CCDC80: variants seen among roughly 807,000 people sequenced by gnomAD.
CCDC80 encodes coiled-coil domain-containing protein 80.
In CCDC80, 49 loss-of-function variants were observed where a neutral mutation model predicts 78.7. The ratio of observed to expected loss-of-function variants is 0.62; its 90% CI spans 0.50 to 0.79. The LOEUF is 0.79. CCDC80 is among the 30% of genes least tolerant of loss of function. The pLI, the probability that CCDC80 is intolerant of heterozygous loss-of-function variation, is 0.00. For synonymous variants in CCDC80, 488 were observed against 447.0 expected, an observed-to-expected ratio of 1.09 and a Z score of -1.16; for missense variants, 1,205 against 1,198.6, an observed-to-expected ratio of 1.01 and a Z score of -0.08.
intron 3 of CCDC80, among the ~76,000 whole-genome samples, chr3:112,623,353 T>C (rs1935905504): frequency 6.6e-6 from 1 of 152,256 alleles, no homozygotes; most frequent in African/African-American, 2.4e-5. Flanking sequence ...AGCTTCCATC[T>C]GTAACTGCTT....
Position 112,638,667 on chromosome 3 carries a change from A to G in CCDC80, c.1239T>C (p.Asn413=), listed in dbSNP as rs534306920. The change falls in exon 2 of 8, where the codon AAT becomes AAC. Residue 413 remains asparagine, a synonymous_variant. Coordinates refer to ENST00000206423, the MANE Select transcript of CCDC80 (RefSeq NM_199511.3). ...ITARRPSVSE[N]LYPPSRKDQH... Reference sequence around the variant, plus strand: ...GATCCTTCCGGGATGGAGGGTAAAGATTCTCTGAAACTGAGGGTCTCCTGG... The same window carrying G: ...GATCCTTCCGGGATGGAGGGTAAAGGTTCTCTGAAACTGAGGGTCTCCTGG... The G allele has an allele frequency of 6.2e-7, 1 of 1,613,384 alleles. No homozygotes were observed. Among genetic ancestry groups the G allele is most frequent in the African/African-American group, 1.3e-5 (1 of 74,634 alleles).
chr3:112,605,714 G>A lies in CCDC80; in HGVS notation c.2556C>T (p.Asp852=). 1 of 1,614,210 alleles carries A rather than the reference G, an allele frequency of 6.2e-7. No homozygotes were observed. Among genetic ancestry groups the A allele is most frequent in the Non-Finnish European group, 8.5e-7 (1 of 1,180,024 alleles). ...GGCTCACTTGAAAATAGTTACGAAT[G>A]TCTTTCACCAAATGGGCTGGTACGT... ...REDVPAHLVK[D]IRNYFQVSPE... Residue 852 remains aspartate, a synonymous_variant, in exon 8 of 8, where the codon GAC becomes GAT. Transcript: ENST00000206423.
Position 112,616,756 on chromosome 3 carries a change from C to A in CCDC80, c.2275G>T (p.Val759Phe). ...GACTGCTTTTTGTCCTCTTTGCAAA[C>A]AATGCCCTCCTTCTTCTGCTTCTCC... ...DMEKQKKEGI[V>F]CKEDKKQSLE... The change falls in exon 5 of 8, where the codon GTT (valine) becomes TTT (phenylalanine). Residue 759 changes from valine (V) to phenylalanine (F), a missense_variant. Transcript: ENST00000206423. 6.2e-7 allele frequency: 1 copy of A among 1,614,200 alleles called. No homozygotes were observed. The highest frequency in any genetic ancestry group is 8.5e-7 in the Non-Finnish European group (1 of 1,180,016).
At position 112,639,210 on chromosome 3, in the gene CCDC80, C is replaced by T; in HGVS notation, c.696G>A (p.Lys232=). The T allele has an allele frequency of 6.2e-7, 1 of 1,614,202 alleles. No homozygotes were observed. The highest frequency in any genetic ancestry group is 8.5e-7 in the Non-Finnish European group (1 of 1,180,030). ...TCTTCTTCAGCAGCACCATGCCAAA[C>T]TTGCCCTTCTCCAGCTTCAGGAAGC... is the stretch of plus-strand genomic sequence containing the variant. ...LMSFLKLEKG[K]FGMVLLKKTL... The change falls in exon 2 of 8, where the codon AAG becomes AAA. Residue 232 remains lysine (K), a synonymous_variant. Coordinates refer to ENST00000206423, the MANE Select transcript of CCDC80 (RefSeq NM_199511.3).
intron 6 of CCDC80, among the ~76,000 whole-genome samples, chr3:112,608,476 C>T (rs1935557350): frequency 6.6e-6 from 1 of 152,102 alleles, no homozygotes; most frequent in Non-Finnish European, 1.5e-5. Context: ...TAAATGTGAA[C>T]ATGACTTGTT....
At chr3:112,610,837 C>T (rs1042983878) in intron 5 of CCDC80, among the ~76,000 whole-genome samples, 1 of 151,592 alleles carries the variant, frequency 6.6e-6, no homozygotes, top group Non-Finnish European at 1.5e-5. Flanking sequence ...AAGCTTTTGT[C>T]TTTTTGGGTG....
rs375158760 is a variant in CCDC80 at position 112,616,786 on chromosome 3, C to A, written c.2245G>T (p.Asp749Tyr). The A allele has an allele frequency of 4.3e-6, 7 of 1,614,194 alleles. No individual in the cohort carries two copies. Among genetic ancestry groups the A allele is most frequent in the Non-Finnish European group, 5.9e-6 (7 of 1,180,024 alleles). The change falls in exon 5 of 8, where the codon GAT becomes TAT. Residue 749 changes from aspartate (D) to tyrosine (Y), a missense_variant. By Grantham distance (160) the Asp-to-Tyr change is radical (BLOSUM62 -3). Transcript: ENST00000206423. ...CCCTCCTTCTTCTGCTTCTCCATAT[C>A]TTTGATTCGGGACTGGAAAGTATCG... ...LIDTFQSRIK[D>Y]MEKQKKEGIV...
intron 5 of CCDC80, among the ~76,000 whole-genome samples, chr3:112,610,953 C>A: frequency 7.8e-6 from 1 of 128,538 alleles, no homozygotes. Flanking sequence ...CTCACTCTGT[C>A]ACCAGGCTGG....
At chr3:112,606,212 G>T (rs1392466655) in intron 7 of CCDC80, among the ~76,000 whole-genome samples, 1 of 152,182 alleles carries the variant, frequency 6.6e-6, no homozygotes, top group Non-Finnish European at 1.5e-5. Flanking sequence ...ATTCTGTTAA[G>T]ATCTAGAGGA....
rs1373552407 is a variant in CCDC80, at chr3:112,636,545, A to C, written c.1878+1483T>G. Among the ~76,000 whole-genome samples, 5 of 152,374 alleles carry C rather than the reference A, an allele frequency of 3.3e-5. No homozygotes were observed. The South Asian group carries it at 1.0e-3, about 32-fold the overall frequency. ...ATATGTCCCACTCATGATAAACATCACAAAGAACTTTGCTCTGAGTAATAT... is the reference window on the plus strand; with the variant it reads ...ATATGTCCCACTCATGATAAACATCCCAAAGAACTTTGCTCTGAGTAATAT... On this transcript the variant is annotated intron_variant, in intron 2 of 7. Transcript: ENST00000206423.
rs74620536 is a variant in CCDC80, at chr3:112,634,772, T to A, written c.1878+3256A>T. ...AGTTTCCCCTTCACTTTATGGCATA[T>A]CCCACAGGAAGTTCATACCCAAAAG... On this transcript the variant is annotated intron_variant, in intron 2 of 7. Coordinates refer to ENST00000206423, the MANE Select transcript of CCDC80 (RefSeq NM_199511.3). 1.6e-4 allele frequency among the ~76,000 whole-genome samples: 24 copies of A among 152,302 alleles called. No homozygotes were observed. The East Asian group carries it at 4.6e-3, about 29-fold the overall frequency.
Position 112,597,863 on chromosome 3 carries a change from A to G in CCDC80, c.*7554T>C, listed in dbSNP as rs980615328. 1.3e-5 allele frequency: 2 copies of G among 152,176 alleles called. No homozygotes were observed. The highest frequency in any genetic ancestry group is 4.8e-5 in the African/African-American group (2 of 41,432). 9.4% of individuals were successfully genotyped at this position (152,176 alleles called of 1,614,324 possible). ...GATGATACATATTAGTTTATAATTA[A>G]CGGCGTACCTAACTGTTCTCTACTA... is the stretch of plus-strand genomic sequence containing the variant. On this transcript the variant is annotated 3_prime_UTR_variant, in exon 8 of 8. Transcript: ENST00000206423.
chr3:112,609,582 A>T (rs72622328), intron 6 of CCDC80, among the ~76,000 whole-genome samples: 48,661 of 152,046 alleles, frequency 0.32, 9,318 homozygotes, highest in East Asian at 0.54. Context: ...TTCCTATTTT[A>T]AAAAAGACAT....
rs139492155 is a variant in CCDC80 at position 112,626,477 on chromosome 3, C to T, written c.2035+3636G>A. Among the ~76,000 whole-genome samples the T allele has an allele frequency of 8.5e-5, 13 of 152,304 alleles. No individual in the cohort carries two copies. In the East Asian group the frequency reaches 2.1e-3, roughly 25 times the overall value. ...CTCTAGAAAGAACAATTCTCTTCAA[C>T]AGGATCAGACAGAAAGGGTATTTTA... On this transcript the variant is annotated intron_variant, in intron 3 of 7. Transcript: ENST00000206423.
Position 112,600,675 on chromosome 3 carries a change from G to A in CCDC80, c.*4742C>T, listed in dbSNP as rs112146331. On this transcript the variant is annotated 3_prime_UTR_variant, in exon 8 of 8. Transcript: ENST00000206423. ...CACCACCTTACCCAGCTAATTTTTT[G>A]TATTTTTTTGTAGAGACAGGGTTTT... 3.9e-5 allele frequency: 6 copies of A among 152,454 alleles called. No homozygotes were observed. Among genetic ancestry groups the A allele is most frequent in the South Asian group, 4.1e-4 (2 of 4,824 alleles). The allele number at this position is 152,454 out of a possible 1,614,324, so 9.4% of individuals were successfully genotyped here.
intron 3 of CCDC80, among the ~76,000 whole-genome samples, chr3:112,619,583 C>T (rs1366879078): frequency 6.6e-6 from 1 of 152,170 alleles, no homozygotes; most frequent in African/African-American, 2.4e-5. Flanking sequence ...CATGTCATAT[C>T]TATAGAGAAA....
intron 3 of CCDC80, among the ~76,000 whole-genome samples, chr3:112,626,020 T>C (rs1171354485): frequency 6.6e-6 from 1 of 152,178 alleles, no homozygotes; most frequent in African/African-American, 2.4e-5. Flanking sequence ...TGACTACAAT[T>C]GGAAGAGCCA....
chr3:112,616,727 C>T lies in CCDC80; in HGVS notation c.2304G>A (p.Leu768=), dbSNP rs773464903. 8.1e-6 allele frequency: 13 copies of T among 1,614,068 alleles called. No individual in the cohort carries two copies. Among genetic ancestry groups the T allele is most frequent in the Non-Finnish European group, 1.1e-5 (13 of 1,180,012 alleles). ...IVCKEDKKQS[L]ENFLSRFRWR... Reference sequence around the variant, plus strand: ...TGATGTACCTGGATAGGAAGTTCTCCAGGGACTGCTTTTTGTCCTCTTTGC... The same window carrying T: ...TGATGTACCTGGATAGGAAGTTCTCTAGGGACTGCTTTTTGTCCTCTTTGC... The change falls in exon 5 of 8, where the codon CTG becomes CTA. Residue 768 remains leucine, a synonymous_variant. Coordinates refer to ENST00000206423, the MANE Select transcript of CCDC80 (RefSeq NM_199511.3).
chr3:112,622,851 T>C (rs1293695294), intron 3 of CCDC80, among the ~76,000 whole-genome samples: 4 of 143,568 alleles, frequency 2.8e-5, no homozygotes, highest in Non-Finnish European at 4.5e-5. Context: ...TTTTTTTGTA[T>C]TTTTAGTAGA....
Sources: allele counts gnomAD v4.1 joint callset (sites outside exome capture counted in the v4.1 genomes callset), GRCh38; gene constraint gnomAD v4.1.1; transcripts MANE v1.5; gene names NCBI Gene and HGNC (gene_info 2026-07-23, HGNC 2026-07-21).